LRRC4C: variants seen among roughly 807,000 people sequenced by gnomAD.
LRRC4C encodes leucine rich repeat containing 4C, also known as leucine-rich repeat-containing protein 4C.
A neutral mutation model predicts 33.6 loss-of-function variants in LRRC4C; 5 were observed. The observed-to-expected ratio is 0.15, with a 90% CI of 0.08 to 0.31. The LOEUF (loss-of-function observed/expected upper bound fraction) is 0.31, where lower values mean the gene tolerates loss of function less well. LRRC4C is among the 10% of genes least tolerant of loss of function. The pLI is 1.00. For synonymous variants in LRRC4C, 329 were observed against 302.0 expected (o/e 1.09, Z -0.93); for missense variants, 560 against 796.7 (o/e 0.70, Z 3.58).
At chr11:40,487,662 C>CA (rs564498901) in intron 3 of LRRC4C, among the ~76,000 whole-genome samples, 13 of 151,238 alleles carry the variant, frequency 8.6e-5, no homozygotes, top group African/African-American at 1.2e-4. Flanking sequence ...ATTTCCATTA[C>CA]AAAAAAAATA....
At position 40,759,395 on chromosome 11, in the gene LRRC4C, A is replaced by T. The variant is rs1001754201; in HGVS notation, c.-406-111117T>A. Among the ~76,000 whole-genome samples the T allele has an allele frequency of 5.3e-5, 8 of 151,534 alleles. No homozygotes were observed. The South Asian group carries it at 1.7e-3, about 31-fold the overall frequency. On this transcript the variant is annotated intron_variant, in intron 2 of 6. Transcript: ENST00000528697. ...GTGGTTATGTGAGTAAAAATTTTCA[A>T]TCCAAGATACCCTAAACCATGTGAC...
At chr11:41,365,894 T>A (rs1952517778) in intron 1 of LRRC4C, among the ~76,000 whole-genome samples, 1 of 152,182 alleles carries the variant, frequency 6.6e-6, no homozygotes, top group Admixed American at 6.5e-5. Context: ...CATTTATTCA[T>A]CATGTGACCT....
At chr11:40,796,049 T>G (rs1209239718) in intron 2 of LRRC4C, among the ~76,000 whole-genome samples, 1 of 152,216 alleles carries the variant, frequency 6.6e-6, no homozygotes, top group Non-Finnish European at 1.5e-5. Context: ...CCTAGAATGA[T>G]GTTTTTCTTC....
At position 40,795,665 on chromosome 11, in the gene LRRC4C, C is replaced by T. The variant is rs75923404; in HGVS notation, c.-407+137970G>A. Among the ~76,000 whole-genome samples the T allele has an allele frequency of 1.6e-4, 24 of 152,200 alleles. No individual in the cohort carries two copies. The East Asian group carries it at 3.7e-3, about 23-fold the overall frequency. ...CATAGGCAGTTTAAAAAAAGAAATC[C>T]ACTTGTCCTCTTATAAAACAAGCTG... On this transcript the variant is annotated intron_variant, in intron 2 of 6. Transcript: ENST00000528697.
At chr11:40,889,337 T>C (rs968173006) in intron 2 of LRRC4C, among the ~76,000 whole-genome samples, 1 of 152,144 alleles carries the variant, frequency 6.6e-6, no homozygotes, top group Non-Finnish European at 1.5e-5. Context: ...TCAATTTTTA[T>C]GAATAGCAAA....
intron 2 of LRRC4C, among the ~76,000 whole-genome samples, chr11:40,722,300 T>C (rs1205754480): frequency 1.3e-5 from 2 of 152,176 alleles, no homozygotes; most frequent in East Asian, 1.9e-4. Flanking sequence ...CTCTCCTCCC[T>C]AGAGAGAGCA....
At chr11:40,745,624 T>A (rs893881063) in intron 2 of LRRC4C, among the ~76,000 whole-genome samples, 1 of 152,158 alleles carries the variant, frequency 6.6e-6, no homozygotes, top group East Asian at 1.9e-4. Context: ...TCTGAATATA[T>A]TTTTTGCTAA....
At chr11:40,651,117 A>G (rs945571634) in intron 2 of LRRC4C, among the ~76,000 whole-genome samples, 1 of 152,222 alleles carries the variant, frequency 6.6e-6, no homozygotes, top group African/African-American at 2.4e-5. Context: ...CACTTTGGAA[A>G]CTTTGCTTAA....
intron 3 of LRRC4C, among the ~76,000 whole-genome samples, chr11:40,590,956 G>A (rs1435259039): frequency 1.3e-5 from 2 of 152,208 alleles, no homozygotes; most frequent in Non-Finnish European, 2.9e-5. Flanking sequence ...GCCCCCAGAG[G>A]TGGAGCCTAC....
intron 2 of LRRC4C, among the ~76,000 whole-genome samples, chr11:40,718,113 G>A (rs1453926632): frequency 6.6e-6 from 1 of 152,152 alleles, no homozygotes; most frequent in Admixed American, 6.6e-5. Flanking sequence ...AACGCATGGT[G>A]GATGCCTATG....
At chr11:41,154,654 T>C (rs922349057) in intron 1 of LRRC4C, among the ~76,000 whole-genome samples, 1 of 152,244 alleles carries the variant, frequency 6.6e-6, no homozygotes, top group South Asian at 2.1e-4. Context: ...CTGGTAAACA[T>C]TTAGACATTA....
At chr11:40,796,566 T>C (rs946684077) in intron 2 of LRRC4C, among the ~76,000 whole-genome samples, 4 of 150,132 alleles carry the variant, frequency 2.7e-5, no homozygotes, top group Admixed American at 6.6e-5. Context: ...GTAGTCGGTG[T>C]AGAAGGGAAC....
intron 5 of LRRC4C, among the ~76,000 whole-genome samples, chr11:40,161,620 A>G (rs1402201508): frequency 6.6e-6 from 1 of 152,016 alleles, no homozygotes; most frequent in Non-Finnish European, 1.5e-5. Context: ...CTGGCATGGC[A>G]GTGTTGTGCC....
At chr11:40,405,921 T>C (rs1949948643) in intron 3 of LRRC4C, among the ~76,000 whole-genome samples, 1 of 151,798 alleles carries the variant, frequency 6.6e-6, no homozygotes, top group African/African-American at 2.4e-5. Context: ...AGGCAAGAGC[T>C]CTCTATCCAC....
chr11:40,444,323 TTTAA>T (rs1041623957), intron 3 of LRRC4C, among the ~76,000 whole-genome samples: 12 of 150,854 alleles, frequency 8.0e-5, no homozygotes, highest in African/African-American at 1.7e-4. Flanking sequence ...TAACATTTTT[TTTAA>T]TTTATTTTAT....
intron 2 of LRRC4C, among the ~76,000 whole-genome samples, chr11:40,716,801 G>T (rs1401895698): frequency 2.6e-5 from 4 of 152,084 alleles, no homozygotes; most frequent in African/African-American, 4.8e-5. Context: ...TATGGACCTA[G>T]AAAGCCAAAA....
intron 2 of LRRC4C, among the ~76,000 whole-genome samples, chr11:40,841,150 T>C (rs1449502441): frequency 6.6e-6 from 1 of 152,230 alleles, no homozygotes; most frequent in Non-Finnish European, 1.5e-5. Context: ...AGTTCTATCA[T>C]TAATTTTGAA....
intron 3 of LRRC4C, among the ~76,000 whole-genome samples, chr11:40,626,060 C>T (rs147742712): frequency 4.1e-4 from 63 of 152,226 alleles, no homozygotes; most frequent in African/African-American, 1.5e-3. Context: ...GAGTACAAGG[C>T]CCAACATGTT....
At chr11:41,168,504 C>T (rs950974700) in intron 1 of LRRC4C, among the ~76,000 whole-genome samples, 5 of 152,156 alleles carry the variant, frequency 3.3e-5, no homozygotes, top group Non-Finnish European at 7.4e-5. Flanking sequence ...GAATTGTTTT[C>T]AATCTCTAAT....
Sources: allele counts gnomAD v4.1 joint callset (sites outside exome capture counted in the v4.1 genomes callset), GRCh38; gene constraint gnomAD v4.1.1; transcripts MANE v1.5; gene names NCBI Gene and HGNC (gene_info 2026-07-23, HGNC 2026-07-21).